Variants in CSMD1 observed in about 807,000 individuals in gnomAD.
CSMD1 encodes CUB and Sushi multiple domains 1.
In CSMD1, 213 loss-of-function variants were observed where a neutral mutation model predicts 417.5. The ratio of observed to expected loss-of-function variants is 0.51; its 90% CI spans 0.46 to 0.57. The LOEUF (loss-of-function observed/expected upper bound fraction) is 0.57, where lower values mean the gene tolerates loss of function less well. Among genes scored for constraint, CSMD1 ranks in the 20% least tolerant of loss-of-function variants. The pLI is 0.00. For synonymous variants in CSMD1, 2,862 were observed against 1,736.8 expected (o/e 1.65, Z -16.11); for missense variants, 6,923 against 4,529.7 (o/e 1.53, Z -15.17).
chr8:4,176,348 A>G (rs1798040907), intron 3 of CSMD1, among the ~76,000 whole-genome samples: 1 of 152,130 alleles, frequency 6.6e-6, no homozygotes, highest in South Asian at 2.1e-4. Flanking sequence ...AATTGAAAAT[A>G]AATTAGTATG....
chr8:4,596,222 G>A (rs1376152904), intron 2 of CSMD1, among the ~76,000 whole-genome samples: 2 of 151,992 alleles, frequency 1.3e-5, no homozygotes, highest in Admixed American at 1.3e-4. Flanking sequence ...GAACTTGATA[G>A]GTTAAAAAAA....
At chr8:4,654,841 C>T (rs1338229564) in intron 1 of CSMD1, among the ~76,000 whole-genome samples, 1 of 151,892 alleles carries the variant, frequency 6.6e-6, no homozygotes, top group Non-Finnish European at 1.5e-5. Flanking sequence ...ATTTTAAAGA[C>T]AACAAATAAT....
At chr8:3,797,756 T>G (rs990552967) in intron 5 of CSMD1, among the ~76,000 whole-genome samples, 3 of 151,978 alleles carry the variant, frequency 2.0e-5, no homozygotes, top group African/African-American at 7.2e-5. Context: ...TGGACACGTA[T>G]TTTCATTAAA....
At chr8:3,752,160 G>C (rs929859652) in intron 6 of CSMD1, among the ~76,000 whole-genome samples, 1 of 152,154 alleles carries the variant, frequency 6.6e-6, no homozygotes, top group Non-Finnish European at 1.5e-5. Context: ...GTATATGGCA[G>C]TCACAAGATA....
chr8:3,621,678 C>T (rs924997789), intron 7 of CSMD1, among the ~76,000 whole-genome samples: 9 of 151,928 alleles, frequency 5.9e-5, no homozygotes, highest in Non-Finnish European at 7.4e-5. Flanking sequence ...CTGCAGCCTT[C>T]GTCTTCCATG....
At chr8:3,451,123 G>A (rs113475802) in intron 12 of CSMD1, among the ~76,000 whole-genome samples, 2 of 152,190 alleles carry the variant, frequency 1.3e-5, no homozygotes, top group African/African-American at 4.8e-5. Flanking sequence ...CTTTTGAGAA[G>A]TGTCTGTTCA....
intron 3 of CSMD1, among the ~76,000 whole-genome samples, chr8:4,373,585 A>T (rs1216241200): frequency 6.6e-6 from 1 of 152,188 alleles, no homozygotes; most frequent in Non-Finnish European, 1.5e-5. Flanking sequence ...CATCTTATTT[A>T]ATTTTCCTAT....
chr8:4,134,862 C>T (rs894649948), intron 3 of CSMD1, among the ~76,000 whole-genome samples: 1 of 152,186 alleles, frequency 6.6e-6, no homozygotes, highest in African/African-American at 2.4e-5. Context: ...CTTCCAATTG[C>T]TCCTAGAATA....
intron 49 of CSMD1, among the ~76,000 whole-genome samples, chr8:3,071,134 T>C (rs1027498657): frequency 3.3e-5 from 5 of 152,162 alleles, no homozygotes; most frequent in Non-Finnish European, 5.9e-5. Context: ...CACCAAGCCA[T>C]GAAGGATCCA....
intron 3 of CSMD1, among the ~76,000 whole-genome samples, chr8:4,362,019 G>C (rs1482873370): frequency 6.6e-6 from 1 of 151,986 alleles, no homozygotes; most frequent in African/African-American, 2.4e-5. Flanking sequence ...TTAAGAAAAA[G>C]CAAGACAAGG....
At chr8:3,979,786 G>A (rs554543204) in intron 5 of CSMD1, among the ~76,000 whole-genome samples, 9 of 152,162 alleles carry the variant, frequency 5.9e-5, no homozygotes, top group Non-Finnish European at 1.2e-4. Flanking sequence ...TTAAGCCACC[G>A]TCTGTGGTAT....
intron 3 of CSMD1, among the ~76,000 whole-genome samples, chr8:4,114,389 A>G (rs1802022078): frequency 6.6e-6 from 1 of 152,228 alleles, no homozygotes; most frequent in African/African-American, 2.4e-5. Context: ...TGCTAGGAAA[A>G]AAAGATTCCT....
intron 3 of CSMD1, among the ~76,000 whole-genome samples, chr8:4,401,576 C>A (rs538440188): frequency 6.6e-6 from 1 of 152,088 alleles, no homozygotes; most frequent in Non-Finnish European, 1.5e-5. Flanking sequence ...CTGTCTAGAC[C>A]AATCCATCAT....
chr8:4,394,725 G>C (rs1252330503), intron 3 of CSMD1, among the ~76,000 whole-genome samples: 4 of 152,176 alleles, frequency 2.6e-5, no homozygotes, highest in Admixed American at 1.3e-4. Context: ...CCAGATCAAA[G>C]AGTGACATTT....
chr8:3,344,073 T>C (rs1807831082), intron 22 of CSMD1, among the ~76,000 whole-genome samples: 1 of 152,106 alleles, frequency 6.6e-6, no homozygotes, highest in Non-Finnish European at 1.5e-5. Context: ...TCCCAAGCAG[T>C]TGTAAAACGA....
intron 3 of CSMD1, among the ~76,000 whole-genome samples, chr8:4,351,482 C>A (rs1339994425): frequency 1.3e-5 from 2 of 152,106 alleles, no homozygotes; most frequent in African/African-American, 2.4e-5. Flanking sequence ...ATTACTGTGC[C>A]AAATTTATAG....
intron 26 of CSMD1, among the ~76,000 whole-genome samples, chr8:3,235,042 T>G (rs1014098318): frequency 2.6e-5 from 4 of 152,212 alleles, no homozygotes; most frequent in Non-Finnish European, 4.4e-5. Flanking sequence ...GTGACATGTA[T>G]AATTAAGCAC....
chr8:3,198,645 A>T (rs1326455802), intron 33 of CSMD1, among the ~76,000 whole-genome samples: 1 of 152,150 alleles, frequency 6.6e-6, no homozygotes, highest in Non-Finnish European at 1.5e-5. Flanking sequence ...AAATGATCTA[A>T]TTGCTGAAAA....
chr8:4,744,652 T>A (rs1263148608), intron 1 of CSMD1, among the ~76,000 whole-genome samples: 1 of 152,168 alleles, frequency 6.6e-6, no homozygotes, highest in African/African-American at 2.4e-5. Flanking sequence ...ATTCTCAATT[T>A]TGAAAATGAC....
Sources: gnomAD v4.1 joint callset for allele counts (sites outside exome capture counted in the v4.1 genomes callset) on GRCh38, gnomAD v4.1.1 for gene constraint, MANE v1.5 for transcripts, NCBI Gene and HGNC (gene_info 2026-07-23, HGNC 2026-07-21) for gene names.